TECPR1: variants seen among roughly 807,000 people sequenced by gnomAD.
TECPR1 encodes tectonin beta-propeller repeat containing 1, also known as tectonin beta-propeller repeat-containing protein 1.
In TECPR1, 122 loss-of-function variants were observed where a neutral mutation model predicts 162.4. That is an observed-to-expected ratio of 0.75 (90% CI 0.65 to 0.87). TECPR1 has a LOEUF of 0.87. Among genes scored for constraint, TECPR1 ranks in the 40% least tolerant of loss-of-function variants. The probability of loss-of-function intolerance (pLI) is 0.00; values close to 1 mark genes in which losing one functional copy is unlikely to be tolerated. For synonymous variants in TECPR1, 642 were observed against 670.6 expected (o/e 0.96, Z 0.66); for missense variants, 1,432 against 1,618.2 (o/e 0.88, Z 1.97).
chr7:98,218,465 G>C (rs913317625), intron 23 of TECPR1, among the ~76,000 whole-genome samples: 3 of 152,184 alleles, frequency 2.0e-5, no homozygotes, highest in Admixed American at 2.0e-4. Flanking sequence ...CAAATACCTA[G>C]AAAACCCTAA....
chr7:98,234,043 T>G (rs943489618), intron 10 of TECPR1, 132 bp from the exon 11 acceptor site: 1 of 1,214,138 alleles, frequency 8.2e-7, no homozygotes, highest in African/African-American at 1.5e-5. Flanking sequence ...TCTGAACTCC[T>G]GTCTCTTCCT....
In TECPR1 at chr7:98,235,846, A is replaced by C. The variant is rs113481553; in HGVS notation, c.1181+930T>G. Among the ~76,000 whole-genome samples, 102 of 70,538 alleles carry C rather than the reference A, an allele frequency of 1.4e-3. 7 individuals are homozygous for C. Among genetic ancestry groups the C allele is most frequent in the Non-Finnish European group, 3.5e-3 (80 of 22,588 alleles). The allele number at this position is 70,538 out of a possible 152,430, so 46.3% of individuals were successfully genotyped here. A position where few individuals can be genotyped will look rare whatever the true frequency, so the allele number is the denominator to read the frequency against. On this transcript the variant is annotated intron_variant, in intron 10 of 25. Coordinates refer to ENST00000447648, the MANE Select transcript of TECPR1 (RefSeq NM_015395.3). The stretch of plus-strand genomic sequence containing the variant: ...CTGTCTCAAAAAAAAAAAAAAAAAA[A>C]AAAAACACCATCTGAGCAGACTAAA...
chr7:98,217,313 C>T lies in TECPR1; in HGVS notation c.*77G>A, dbSNP rs1236102102. 2 of 993,822 alleles carry T rather than the reference C, an allele frequency of 2.0e-6. No homozygotes were observed. Among genetic ancestry groups the T allele is most frequent in the Non-Finnish European group, 2.9e-6 (2 of 687,518 alleles). 61.6% of individuals were successfully genotyped at this position (993,822 alleles called of 1,614,324 possible). A position where few individuals can be genotyped will look rare whatever the true frequency, so the allele number is the denominator to read the frequency against. On this transcript the variant is annotated 3_prime_UTR_variant, in exon 26 of 26. Transcript: ENST00000447648. ...TGGGCCACATTGCTCCCACGGTGCA[C>T]ACTCCAGCACAAGAATGGCTCAGCC...
At position 98,223,017 on chromosome 7, in the gene TECPR1, G is replaced by A. The variant is rs755211151; in HGVS notation, c.2901C>T (p.Arg967=). Reference sequence around the variant, plus strand: ...CAGGGTTGAGCTCCGACACGCCCAGGCGGCACAGCACATCCCCCTTGTCGC... The same window carrying A: ...CAGGGTTGAGCTCCGACACGCCCAGACGGCACAGCACATCCCCCTTGTCGC... ...AVSDKGDVLC[R]LGVSELNPAG... is the part of the protein sequence containing the mutation. Residue 967 remains arginine, a synonymous_variant, in exon 21 of 26, where the codon CGC becomes CGT. Coordinates refer to ENST00000447648, the MANE Select transcript of TECPR1 (RefSeq NM_015395.3). 59 of 1,611,740 alleles carry A rather than the reference G, an allele frequency of 3.7e-5. No homozygotes were observed. The highest frequency in any genetic ancestry group is 4.8e-5 in the Non-Finnish European group (57 of 1,179,570).
intron 15 of TECPR1, 79 bp from the exon 16 acceptor site, chr7:98,229,245 G>A: frequency 6.7e-7 from 1 of 1,498,774 alleles, no homozygotes; most frequent in Non-Finnish European, 9.0e-7. Flanking sequence ...TTTGTTCCGT[G>A]TCCTCCTGTG....
Position 98,244,692 on chromosome 7 carries a change from C to T in TECPR1, c.410G>A (p.Gly137Glu). Reference sequence around the variant, plus strand: ...GGGAAAGTCGATGGCGTACGTCCACCCCTGAAACACCAAGGAAGGGGCTCT... The same window carrying T: ...GGGAAAGTCGATGGCGTACGTCCACTCCTGAAACACCAAGGAAGGGGCTCT... ...NFGGEPTEKG[G>E]WTYAIDFPAT... is the part of the protein sequence containing the mutation. Residue 137 changes from glycine (G) to glutamate (E), a missense_variant and splice_region_variant, in exon 5 of 26, where the codon GGG becomes GAG. Physicochemically the swap from Gly to Glu is moderately conservative, Grantham distance 98. Transcript: ENST00000447648. The T allele has an allele frequency of 6.2e-7, 1 of 1,607,208 alleles. No individual in the cohort carries two copies. The highest frequency in any genetic ancestry group is 8.5e-7 in the Non-Finnish European group (1 of 1,175,712).
At position 98,217,910 on chromosome 7, in the gene TECPR1, GCCCGATACCC is replaced by G. The variant is rs557294111; in HGVS notation, c.3264+16_3264+25del. On this transcript the variant is annotated intron_variant, in intron 24 of 25. Coordinates refer to ENST00000447648, the MANE Select transcript of TECPR1 (RefSeq NM_015395.3). ...GAGAGGGAACCAGAGCACCCCAAGT[GCCCGATACCC>G]CCTGAGCACCCCCACCTGGTCCAGG... 2,400 of 1,548,976 alleles carry G rather than the reference GCCCGATACCC, an allele frequency of 1.5e-3. 3 individuals are homozygous for G. Among genetic ancestry groups the G allele is most frequent in the Non-Finnish European group, 1.9e-3 (2,174 of 1,145,674 alleles).
intron 8 of TECPR1, among the ~76,000 whole-genome samples, chr7:98,240,057 A>C (rs1488737102): frequency 3.3e-5 from 5 of 151,726 alleles, no homozygotes; most frequent in Admixed American, 1.3e-4. Flanking sequence ...TGGAGTGAGC[A>C]GAGATTGCGC....
intron 2 of TECPR1, 25 bp from the exon 3 acceptor site, chr7:98,246,190 C>A (rs1297947271): frequency 6.8e-7 from 1 of 1,474,538 alleles, no homozygotes; most frequent in Non-Finnish European, 9.2e-7. Context: ...CGAGGGCCAG[C>A]GTTCAGGCTC....
At position 98,232,019 on chromosome 7, in the gene TECPR1, G is replaced by A; in HGVS notation, c.1819-60C>T. 6.5e-7 allele frequency: 1 copy of A among 1,530,670 alleles called. No homozygotes were observed. The highest frequency in any genetic ancestry group is 8.8e-7 in the Non-Finnish European group (1 of 1,139,356). The allele number at this position is 1,530,670 out of a possible 1,614,324, so 94.8% of individuals were successfully genotyped here. A position where few individuals can be genotyped will look rare whatever the true frequency, so the allele number is the denominator to read the frequency against. On this transcript the variant is annotated intron_variant, in intron 12 of 25. Transcript: ENST00000447648. The surrounding 1 kb of genome is among the most constrained non-coding windows in gnomAD (Gnocchi z 4.6). Reference sequence around the variant, plus strand: ...CAGGCCCGGGGTGCCAGGGGAGGAGGGCGGGGCTGGGGGTGCCCAGAGGAG... The same window carrying A: ...CAGGCCCGGGGTGCCAGGGGAGGAGAGCGGGGCTGGGGGTGCCCAGAGGAG...
At chr7:98,242,470 C>T (rs1798775094) in intron 6 of TECPR1, among the ~76,000 whole-genome samples, 1 of 151,484 alleles carries the variant, frequency 6.6e-6, no homozygotes, top group Non-Finnish European at 1.5e-5. Flanking sequence ...CACACACCTT[C>T]CATCCATCCA....
intron 17 of TECPR1, 26 bp from the exon 18 acceptor site, chr7:98,225,128 A>G: frequency 6.5e-7 from 1 of 1,546,970 alleles, no homozygotes; most frequent in Non-Finnish European, 8.7e-7. Flanking sequence ...AGGGCAGGTG[A>G]CGAGGGAGAC....
At chr7:98,221,172 C>T (rs961704204) in intron 23 of TECPR1, among the ~76,000 whole-genome samples, 6 of 151,888 alleles carry the variant, frequency 4.0e-5, no homozygotes, top group Non-Finnish European at 5.9e-5. Context: ...TGTGGTGGTG[C>T]GTGTCTGTAA....
At position 98,222,999 on chromosome 7, in the gene TECPR1, G is replaced by A. The variant is rs760736517; in HGVS notation, c.2919C>T (p.Leu973=). 1.2e-6 allele frequency: 2 copies of A among 1,611,800 alleles called. No homozygotes were observed. Among genetic ancestry groups the A allele is most frequent in the Non-Finnish European group, 1.7e-6 (2 of 1,179,542 alleles). The change falls in exon 21 of 26, where the codon CTC becomes CTT. Residue 973 remains leucine, a synonymous_variant. Transcript: ENST00000447648. ...TGGCCCCGGCACTCACCGCAGGGTT[G>A]AGCTCCGACACGCCCAGGCGGCACA... ...DVLCRLGVSE[L]NPAGSSWLHV... is the part of the protein sequence containing the mutation.
In TECPR1 at chr7:98,217,691, C is replaced by A. The variant is rs1562931260; in HGVS notation, c.3384+1G>T. On this transcript the variant is annotated splice_donor_variant, in intron 25 of 25. Coordinates refer to ENST00000447648, the MANE Select transcript of TECPR1 (RefSeq NM_015395.3). LOFTEE classifies it high-confidence loss of function. ...AGCCCAAGGCCGCGGGCCCCGCTCA[C>A]CCCGATGCCGTAGTCCCAGCCGTGG... The A allele has an allele frequency of 1.3e-6, 2 of 1,541,810 alleles. No individual in the cohort carries two copies. Among genetic ancestry groups the A allele is most frequent in the Non-Finnish European group, 1.8e-6 (2 of 1,142,450 alleles).
At chr7:98,250,467 AAAT>A (rs1799036605) in intron 2 of TECPR1, among the ~76,000 whole-genome samples, 1 of 151,954 alleles carries the variant, frequency 6.6e-6, no homozygotes, top group African/African-American at 2.4e-5. Flanking sequence ...ATCTCTGTAA[AAAT>A]AAAAAGTTAA....
intron 10 of TECPR1, among the ~76,000 whole-genome samples, chr7:98,234,355 A>G (rs561897870): frequency 6.6e-6 from 1 of 152,148 alleles, no homozygotes; most frequent in East Asian, 1.9e-4. Context: ...GGGTTTCACC[A>G]TGTTGGCAGG....
chr7:98,222,611 T>TGGGCAGCATAGGTGGCTGGG, intron 21 of TECPR1, 90 bp from the exon 22 acceptor site: 1 of 1,461,148 alleles, frequency 6.8e-7, no homozygotes, highest in Non-Finnish European at 9.2e-7. Context: ...GCCTAGCGCG[T>TGGGCAGCATAGGTGGCTGGG]GGGCAGCATA....
At chr7:98,224,088 GC>G (rs759490417) in intron 19 of TECPR1, among the ~76,000 whole-genome samples, 2 of 152,174 alleles carry the variant, frequency 1.3e-5, no homozygotes, top group African/African-American at 2.4e-5. Context: ...CCCCATCAGA[GC>G]CCTTTTGGGG....
Sources: gnomAD v4.1 joint callset for allele counts (sites outside exome capture counted in the v4.1 genomes callset) on GRCh38, gnomAD v4.1.1 for gene constraint, Gnocchi (gnomAD v3.1) non-coding constraint, MANE v1.5 for transcripts, NCBI Gene and HGNC (gene_info 2026-07-23, HGNC 2026-07-21) for gene names.